The following ELAVL4 variants were observed in gnomAD, a reference collection of about 807,000 sequenced individuals.
ELAVL4 encodes ELAV-like protein 4.
Under a neutral mutation model 35.6 loss-of-function variants are expected in ELAVL4, and 1 was observed. The ratio of observed to expected loss-of-function variants is 0.03; its 90% CI spans 0.01 to 0.13. ELAVL4 has a LOEUF of 0.13. ELAVL4 is among the 10% of genes least tolerant of loss of function. ELAVL4 has a pLI of 1.00. For missense variants in ELAVL4, 267 were observed against 464.9 expected (o/e 0.57, Z 3.91); for synonymous variants, 156 against 171.0 (o/e 0.91, Z 0.69).
At chr1:50,196,067 C>T (rs556729617) in intron 5 of ELAVL4, among the ~76,000 whole-genome samples, 49 of 152,352 alleles carry the variant, frequency 3.2e-4, no homozygotes, top group African/African-American at 1.1e-3. Flanking sequence ...CATGAAGGTT[C>T]AGTTTCAACA....
upstream of ELAVL4, among the ~76,000 whole-genome samples, chr1:50,099,416 C>T (rs780403612): frequency 2.0e-5 from 3 of 151,700 alleles, no homozygotes; most frequent in African/African-American, 4.8e-5. Flanking sequence ...CAAAATTAGC[C>T]GGGCATGGTG....
chr1:50,106,227 T>C, upstream of ELAVL4: 3 of 1,328,866 alleles, frequency 2.3e-6, no homozygotes, highest in South Asian at 1.3e-5. Flanking sequence ...AATTGGCTTC[T>C]GGTACAGTCC....
chr1:50,119,062 AAGAAAG>A (rs1378989653), intron 1 of ELAVL4, among the ~76,000 whole-genome samples: 2 of 135,150 alleles, frequency 1.5e-5, no homozygotes, highest in African/African-American at 2.9e-5. Context: ...GAAAGAAAGA[AAGAAAG>A]AAAGAAAGAA....
intron 6 of ELAVL4, among the ~76,000 whole-genome samples, chr1:50,200,649 G>A (rs927726817): frequency 3.9e-5 from 6 of 152,174 alleles, no homozygotes; most frequent in Non-Finnish European, 8.8e-5. Flanking sequence ...CTCTCAGCAT[G>A]AACATGCCCT....
At chr1:50,156,785 G>A (rs904334819) in intron 2 of ELAVL4, among the ~76,000 whole-genome samples, 1 of 152,136 alleles carries the variant, frequency 6.6e-6, no homozygotes, top group Non-Finnish European at 1.5e-5. Flanking sequence ...CTGCCAGCTG[G>A]GACGAGAGAC....
chr1:50,203,409 T>C lies in ELAVL4; in HGVS notation c.*2231T>C, dbSNP rs1391767788. 1 of 152,032 alleles carries C rather than the reference T, an allele frequency of 6.6e-6. No individual in the cohort carries two copies. The highest frequency in any genetic ancestry group is 2.4e-5 in the African/African-American group (1 of 41,386). The allele number at this position is 152,032 out of a possible 1,614,324, so 9.4% of individuals were successfully genotyped here. ...TTTTTCCTCTTTTCGGTTTTGGATA[T>C]AACACCAGATTTCAGTTCAGAGAAC... On this transcript the variant is annotated 3_prime_UTR_variant, in exon 7 of 7. Transcript: ENST00000371824.
chr1:50,154,685 G>A (rs1675398287), intron 2 of ELAVL4, among the ~76,000 whole-genome samples: 1 of 151,854 alleles, frequency 6.6e-6, no homozygotes, highest in African/African-American at 2.4e-5. Flanking sequence ...AAGAGCACTT[G>A]GCTGCTTATT....
intron 2 of ELAVL4, among the ~76,000 whole-genome samples, chr1:50,146,986 G>A (rs1673835919): frequency 6.6e-6 from 1 of 152,060 alleles, no homozygotes; most frequent in Non-Finnish European, 1.5e-5. Flanking sequence ...AGTTCACCGA[G>A]TGGATTTGAA....
At chr1:50,168,570 TC>T (rs1444232309) in intron 2 of ELAVL4, among the ~76,000 whole-genome samples, 1 of 152,184 alleles carries the variant, frequency 6.6e-6, no homozygotes, top group African/African-American at 2.4e-5. Context: ...TTTTCTTTCA[TC>T]ACTTTGTCCA....
chr1:50,118,594 G>T (rs1668357736), intron 1 of ELAVL4, among the ~76,000 whole-genome samples: 2 of 151,994 alleles, frequency 1.3e-5, no homozygotes, highest in South Asian at 2.1e-4. Context: ...GTCGCGTCAG[G>T]ACTGGTGTTA....
In ELAVL4 at chr1:50,195,780, G is replaced by A. The variant is rs569206522; in HGVS notation, c.728G>A (p.Arg243Lys). The change falls in exon 5 of 7, where the codon AGG becomes AAG. Residue 243 changes from arginine to lysine, a missense_variant. Coordinates refer to ENST00000371824, the MANE Select transcript of ELAVL4 (RefSeq NM_001144774.3). ...YPGPLHHQAQ[R>K]FRLDNLLNMA... ...GGTCCACTTCACCACCAGGCTCAGA[G>A]GTTCAGGTAGGCATGCCCAAAGAGG... 1.1e-5 allele frequency: 18 copies of A among 1,614,126 alleles called. No individual in the cohort carries two copies. The highest frequency in any genetic ancestry group is 2.2e-5 in the South Asian group (2 of 91,086).
chr1:50,127,058 T>G (rs535745866), intron 1 of ELAVL4, among the ~76,000 whole-genome samples: 3 of 152,130 alleles, frequency 2.0e-5, no homozygotes, highest in South Asian at 4.2e-4. Context: ...AAAAAAAGCA[T>G]TTTAAAATAA....
chr1:50,156,346 T>C (rs1157271136), intron 2 of ELAVL4, among the ~76,000 whole-genome samples: 5 of 152,234 alleles, frequency 3.3e-5, no homozygotes, highest in African/African-American at 1.2e-4. Context: ...AACCAGGTGA[T>C]ACATGCGAAG....
chr1:50,183,600 T>A (rs1234981071), intron 3 of ELAVL4, among the ~76,000 whole-genome samples: 1 of 152,170 alleles, frequency 6.6e-6, no homozygotes, highest in Non-Finnish European at 1.5e-5. Context: ...ATTCTTCTAA[T>A]ACCACTAACA....
At chr1:50,174,162 A>G (rs1478175940) in intron 2 of ELAVL4, 2 of 152,200 alleles carry the variant, frequency 1.3e-5, no homozygotes, top group African/African-American at 4.8e-5. Context: ...TATTTTCTAC[A>G]TAGAGATTTA....
intron 1 of ELAVL4, among the ~76,000 whole-genome samples, chr1:50,089,570 T>A (rs1371914107): frequency 6.6e-6 from 1 of 152,064 alleles, no homozygotes; most frequent in East Asian, 1.9e-4. Flanking sequence ...CTAGGCAACA[T>A]GGCAAAACAC....
At chr1:50,138,928 T>C (rs144102710) in intron 1 of ELAVL4, among the ~76,000 whole-genome samples, 3 of 152,332 alleles carry the variant, frequency 2.0e-5, no homozygotes, top group African/African-American at 7.2e-5. Flanking sequence ...CAAAGCAATA[T>C]GAAGGTACTT....
intron 4 of ELAVL4, among the ~76,000 whole-genome samples, chr1:50,194,145 A>T (rs1227481328): frequency 6.6e-6 from 1 of 152,178 alleles, no homozygotes; most frequent in East Asian, 1.9e-4. Context: ...GCAGCAGCTA[A>T]ACTACTTGCC....
intron 2 of ELAVL4, among the ~76,000 whole-genome samples, chr1:50,169,116 C>T (rs1362698962): frequency 6.6e-6 from 1 of 151,832 alleles, no homozygotes; most frequent in Non-Finnish European, 1.5e-5. Flanking sequence ...ACTTGGAGTC[C>T]GATGTTCAAG....
Sources: allele counts gnomAD v4.1 joint callset (sites outside exome capture counted in the v4.1 genomes callset), GRCh38; gene constraint gnomAD v4.1.1; transcripts MANE v1.5; gene names NCBI Gene and HGNC (gene_info 2026-07-23, HGNC 2026-07-21).